Variants in PRMT8 observed in about 807,000 individuals in gnomAD.
PRMT8 encodes protein arginine N-methyltransferase 8.
Under a neutral mutation model 47.1 loss-of-function variants are expected in PRMT8, and 7 were observed. The observed-to-expected ratio is 0.15, with a 90% confidence interval of 0.08 to 0.28. The LOEUF (loss-of-function observed/expected upper bound fraction) is 0.28, where lower values mean the gene tolerates loss of function less well. PRMT8 is among the 10% of genes least tolerant of loss of function. PRMT8 has a pLI of 1.00. For synonymous variants in PRMT8, 188 were observed against 186.5 expected, an observed-to-expected ratio of 1.01 and a Z score of -0.07; for missense variants, 237 against 505.4, an observed-to-expected ratio of 0.47 and a Z score of 5.09.
chr12:3,397,654 C>T (rs1367041836), intron 1 of PRMT8, among the ~76,000 whole-genome samples: 1 of 152,064 alleles, frequency 6.6e-6, no homozygotes, highest in African/African-American at 2.4e-5. Context: ...GAGGTTACTG[C>T]TGTCTTTTTG....
At chr12:3,408,489 G>T (rs114017760) in intron 1 of PRMT8, among the ~76,000 whole-genome samples, 1 of 152,092 alleles carries the variant, frequency 6.6e-6, no homozygotes, top group African/African-American at 2.4e-5. Flanking sequence ...TTCCTGCCTT[G>T]GCCTTCCAAA....
intron 1 of PRMT8, among the ~76,000 whole-genome samples, chr12:3,433,295 A>G (rs1205070178): frequency 2.0e-5 from 3 of 152,280 alleles, no homozygotes; most frequent in Non-Finnish European, 4.4e-5. Flanking sequence ...TTGCAGTAGC[A>G]GAGAGCTTTG....
chr12:3,543,168 T>G (rs1443148702), intron 2 of PRMT8, among the ~76,000 whole-genome samples: 1 of 152,232 alleles, frequency 6.6e-6, no homozygotes, highest in Non-Finnish European at 1.5e-5. Flanking sequence ...GACATCTAGC[T>G]TAAATCCCTC....
intron 1 of PRMT8, among the ~76,000 whole-genome samples, chr12:3,442,653 T>C (rs1229993528): frequency 6.6e-6 from 1 of 152,062 alleles, no homozygotes; most frequent in Non-Finnish European, 1.5e-5. Flanking sequence ...CTAAACTAGG[T>C]GATGGCCTTA....
rs1867352419 is a variant in PRMT8 at position 3,593,279 on chromosome 12, GAAA to G, written c.*99_*101del. 1 of 1,037,606 alleles carries G rather than the reference GAAA, an allele frequency of 9.6e-7. No homozygotes were observed. The highest frequency in any genetic ancestry group is 1.6e-5 in the African/African-American group (1 of 61,994). 64.3% of individuals were successfully genotyped at this position (1,037,606 alleles called of 1,614,324 possible). A position where few individuals can be genotyped will look rare whatever the true frequency, so the allele number is the denominator to read the frequency against. On this transcript the variant is annotated 3_prime_UTR_variant, in exon 10 of 10. Transcript: ENST00000382622. The surrounding 1 kb of genome is among the most constrained non-coding windows in gnomAD (Gnocchi z 4.8). Reference sequence around the variant, plus strand: ...ATACCGTTTGCAGGACTACACACTTGAAAACCAGAGTTTTCAACTCTGCCTTGA... The same window carrying G: ...ATACCGTTTGCAGGACTACACACTTGACCAGAGTTTTCAACTCTGCCTTGA...
upstream of PRMT8, among the ~76,000 whole-genome samples, chr12:3,488,993 C>A (rs779350517): frequency 2.6e-5 from 4 of 152,146 alleles, no homozygotes; most frequent in Admixed American, 6.5e-5. Flanking sequence ...CTAGAGTATC[C>A]ACTTTCAAAA....
At chr12:3,497,191 G>C (rs192033041) in intron 1 of PRMT8, among the ~76,000 whole-genome samples, 1 of 152,204 alleles carries the variant, frequency 6.6e-6, no homozygotes, top group East Asian at 1.9e-4. Context: ...GTAACTGAAA[G>C]CAGCCTCTGT....
chr12:3,513,933 A>G (rs1255458682), intron 1 of PRMT8, among the ~76,000 whole-genome samples: 2 of 152,212 alleles, frequency 1.3e-5, no homozygotes, highest in African/African-American at 4.8e-5. Flanking sequence ...TATACCAGGT[A>G]CTGCTCTAGT....
chr12:3,439,945 C>T (rs1023687692), intron 1 of PRMT8, among the ~76,000 whole-genome samples: 5 of 152,128 alleles, frequency 3.3e-5, no homozygotes, highest in Non-Finnish European at 7.3e-5. Flanking sequence ...TCGGGCACCA[C>T]GGTAGTGTGG....
intron 1 of PRMT8, among the ~76,000 whole-genome samples, chr12:3,437,394 G>T (rs1472233326): frequency 6.6e-6 from 1 of 151,610 alleles, no homozygotes; most frequent in African/African-American, 2.4e-5. Context: ...AGGCTCAGGG[G>T]TACATGTGCA....
rs71061115 is a variant in PRMT8, at chr12:3,451,033, ACCCCCCCCCCCCCCCC to A, written c.48+69598_48+69613del. Among the ~76,000 whole-genome samples the A allele has an allele frequency of 1.5e-4, 4 of 26,088 alleles. 1 individual carries two copies. The highest frequency in any genetic ancestry group is 2.0e-4 in the Non-Finnish European group (3 of 15,062). The allele number at this position is 26,088 out of a possible 152,430, so 17.1% of individuals were successfully genotyped here. A position where few individuals can be genotyped will look rare whatever the true frequency, so the allele number is the denominator to read the frequency against. ...TGAAAGCAGTTTTGATCTTGCTGAC[ACCCCCCCCCCCCCCCC>A]CCCCCCGCCGAAAGGTTTTGGGACC... On this transcript the variant is annotated intron_variant, in intron 1 of 9. Transcript: ENST00000452611.
chr12:3,540,617 C>CCCCCCG lies in PRMT8; in HGVS notation c.90_91insCCGCCC (p.Pro29_Pro30dup). ...TCTCTTCCCCTCAGGTGAACAGCCC[C>CCCCCCG]CCCTCCCAGCCCCCCCAGCCCGTCG... is the stretch of plus-strand genomic sequence containing the variant. On this transcript the variant is annotated inframe_insertion, in exon 2 of 10. Coordinates refer to ENST00000382622, the MANE Select transcript of PRMT8 (RefSeq NM_019854.5). 1.8e-6 allele frequency: 2 copies of CCCCCCG among 1,137,504 alleles called. No individual in the cohort carries two copies. Among genetic ancestry groups the CCCCCCG allele is most frequent in the Non-Finnish European group, 2.6e-6 (2 of 756,918 alleles). The allele number at this position is 1,137,504 out of a possible 1,614,324, so 70.5% of individuals were successfully genotyped here.
chr12:3,517,055 G>T (rs1405332863), intron 1 of PRMT8, among the ~76,000 whole-genome samples: 1 of 152,096 alleles, frequency 6.6e-6, no homozygotes, highest in Admixed American at 6.5e-5. Context: ...AACACCTAAA[G>T]CCCCTACCCA....
intron 1 of PRMT8, among the ~76,000 whole-genome samples, chr12:3,390,046 C>T (rs1011163248): frequency 4.6e-5 from 7 of 152,228 alleles, no homozygotes; most frequent in Non-Finnish European, 8.8e-5. Flanking sequence ...TGTCCAGAGC[C>T]GCCTGTGCTT....
chr12:3,550,229 T>A lies in PRMT8; in HGVS notation c.417+138T>A. 9.3e-7 allele frequency: 1 copy of A among 1,070,604 alleles called. No homozygotes were observed. The highest frequency in any genetic ancestry group is 1.6e-5 in the South Asian group (1 of 61,708). The allele number at this position is 1,070,604 out of a possible 1,614,324, so 66.3% of individuals were successfully genotyped here. On this transcript the variant is annotated intron_variant, in intron 3 of 9. Transcript: ENST00000382622. The surrounding 1 kb of genome is among the most constrained non-coding windows in gnomAD (Gnocchi z 5.1). ...TCACACCTTCGAGGAGTAGAAGAAATCAGGTGTGACTCTCAGGAAGGGGAG... is the reference window on the plus strand; with the variant it reads ...TCACACCTTCGAGGAGTAGAAGAAAACAGGTGTGACTCTCAGGAAGGGGAG...
At chr12:3,405,455 C>T (rs1591540253) in intron 1 of PRMT8, among the ~76,000 whole-genome samples, 3 of 152,164 alleles carry the variant, frequency 2.0e-5, no homozygotes, top group Admixed American at 2.0e-4. Context: ...TCTAACAGTC[C>T]CCCCAAATCT....
At chr12:3,490,338 A>G (rs1865366870), upstream of PRMT8, among the ~76,000 whole-genome samples, 1 of 152,190 alleles carries the variant, frequency 6.6e-6, no homozygotes, top group Non-Finnish European at 1.5e-5. Context: ...AGAAGCTCTC[A>G]AAGTGAAGAC....
At position 3,583,315 on chromosome 12, in the gene PRMT8, T is replaced by C; in HGVS notation, c.979+107T>C. On this transcript the variant is annotated intron_variant, in intron 8 of 9. Coordinates refer to ENST00000382622, the MANE Select transcript of PRMT8 (RefSeq NM_019854.5). The surrounding 1 kb of genome is among the most constrained non-coding windows in gnomAD (Gnocchi z 4.7). The stretch of plus-strand genomic sequence containing the variant: ...GACTTGGGGAGAAGGGGCTGGGTGT[T>C]AGCTGGGTGACACCTATCAACCCTC... The C allele has an allele frequency of 1.6e-6, 2 of 1,262,394 alleles. No individual in the cohort carries two copies. Among genetic ancestry groups the C allele is most frequent in the Non-Finnish European group, 2.2e-6 (2 of 920,868 alleles). 78.2% of individuals were successfully genotyped at this position (1,262,394 alleles called of 1,614,324 possible). A position where few individuals can be genotyped will look rare whatever the true frequency, so the allele number is the denominator to read the frequency against.
Position 3,569,525 on chromosome 12 carries a change from G to A in PRMT8, c.673G>A (p.Ala225Thr). Residue 225 changes from alanine to threonine, a missense_variant, in exon 6 of 10, where the codon GCG becomes ACG. This residue lies in a region of PRMT8 where 151 missense variants were observed against 341.1 expected (regional missense o/e 0.44). Transcript: ENST00000382622. The surrounding 1 kb of genome is among the most constrained non-coding windows in gnomAD (Gnocchi z 8.2). ...FPDRAALYVV[A>T]IEDRQYKDFK... ...AGACCGGGCAGCTTTGTACGTGGTA[G>A]CGATTGAAGACAGACAGTACAAGGA... 6.2e-7 allele frequency: 1 copy of A among 1,614,204 alleles called. No individual in the cohort carries two copies. The highest frequency in any genetic ancestry group is 8.5e-7 in the Non-Finnish European group (1 of 1,180,040).
Sources: gnomAD v4.1 joint callset for allele counts (sites outside exome capture counted in the v4.1 genomes callset) on GRCh38, gnomAD v4.1.1 for gene constraint, gnomAD v4.1.1 regional missense constraint, Gnocchi (gnomAD v3.1) non-coding constraint, MANE v1.5 for transcripts, NCBI Gene and HGNC (gene_info 2026-07-23, HGNC 2026-07-21) for gene names.